The following SGCG variants were observed in gnomAD, a reference collection of about 807,000 sequenced individuals.
SGCG encodes gamma-sarcoglycan.
A neutral mutation model predicts 29.3 loss-of-function variants in SGCG; 26 were observed. The observed-to-expected ratio is 0.89, with a 90% CI of 0.65 to 1.23. The LOEUF is 1.23. Ranked by LOEUF, SGCG falls within the 50% of genes most tolerant of loss-of-function variation. SGCG has a pLI of 0.00. For synonymous variants in SGCG, 145 were observed against 129.7 expected (o/e 1.12, Z -0.80); for missense variants, 353 against 356.0 (o/e 0.99, Z 0.07).
intron 1 of SGCG, among the ~76,000 whole-genome samples, chr13:23,185,208 G>C (rs1176279643): frequency 6.6e-6 from 1 of 152,160 alleles, no homozygotes; most frequent in Non-Finnish European, 1.5e-5. Context: ...ATGGTATTCT[G>C]AGAATTCCAT....
intron 2 of SGCG, chr13:23,217,523 C>A (rs1878477940): frequency 6.6e-6 from 1 of 152,050 alleles, no homozygotes; most frequent in Non-Finnish European, 1.5e-5. Flanking sequence ...ATCTGTACTG[C>A]TAAATGAACA....
chr13:23,224,680 A>ACACACACACACCC (rs1433903594), intron 2 of SGCG, among the ~76,000 whole-genome samples: 3 of 150,552 alleles, frequency 2.0e-5, no homozygotes, highest in Non-Finnish European at 4.4e-5. Context: ...ACACACACAC[A>ACACACACACACCC]CCCCACACCA....
At chr13:23,290,414 G>A (rs1390724568) in intron 5 of SGCG, among the ~76,000 whole-genome samples, 2 of 152,120 alleles carry the variant, frequency 1.3e-5, no homozygotes, top group East Asian at 3.9e-4. Flanking sequence ...CAATGCGGTG[G>A]GAGGGATATT....
chr13:23,304,999 A>ACAGGCGTGCACGTGCT (rs1381664793), intron 6 of SGCG, among the ~76,000 whole-genome samples: 23 of 856 alleles, frequency 0.027, no homozygotes, highest in African/African-American at 0.061. Flanking sequence ...GCACGTGCTC[A>ACAGGCGTGCACGTGCT]CACACACACA....
chr13:23,206,237 T>C (rs1877976334), intron 2 of SGCG, among the ~76,000 whole-genome samples: 1 of 152,216 alleles, frequency 6.6e-6, no homozygotes, highest in Non-Finnish European at 1.5e-5. Flanking sequence ...TCATTAACAA[T>C]AGGTACAATG....
intron 4 of SGCG, among the ~76,000 whole-genome samples, chr13:23,251,761 A>T (rs1879978606): frequency 6.6e-6 from 1 of 152,172 alleles, no homozygotes; most frequent in Non-Finnish European, 1.5e-5. Context: ...AGAATAACGA[A>T]GATATATATA....
chr13:23,174,725 G>C, the SGCG span, among the ~76,000 whole-genome samples: 3 of 152,142 alleles, frequency 2.0e-5, no homozygotes, highest in South Asian at 6.2e-4. Context: ...ATTTGGAACT[G>C]GTAATAGAAA....
chr13:23,262,008 A>G (rs1880456164), intron 4 of SGCG, among the ~76,000 whole-genome samples: 1 of 152,078 alleles, frequency 6.6e-6, no homozygotes, highest in African/African-American at 2.4e-5. Context: ...GCTGAAAGGA[A>G]TTCTAAATGT....
intron 3 of SGCG, among the ~76,000 whole-genome samples, chr13:23,249,223 C>A (rs1270597015): frequency 6.6e-6 from 1 of 152,126 alleles, no homozygotes; most frequent in African/African-American, 2.4e-5. Flanking sequence ...ACCCTCCCAT[C>A]CTGGAGACAT....
rs1234933605 is a variant in SGCG at position 23,307,979 on chromosome 13, AAT to A, written c.578+12493_578+12494del. The stretch of plus-strand genomic sequence containing the variant: ...AAAAACCCACATATGGGTCTCTATA[AAT>A]GTCAACATTACACCTATGTGTAATG... On this transcript the variant is annotated intron_variant, in intron 6 of 7. Transcript: ENST00000218867. Among the ~76,000 whole-genome samples the A allele has an allele frequency of 9.2e-4, 140 of 152,318 alleles. 3 individuals are homozygous for A. In the South Asian group the frequency reaches 0.027, roughly 29 times the overall value.
chr13:23,205,458 G>A (rs888359233), intron 2 of SGCG, among the ~76,000 whole-genome samples: 12 of 152,166 alleles, frequency 7.9e-5, no homozygotes, highest in Non-Finnish European at 1.8e-4. Flanking sequence ...GAGGCCCATG[G>A]AAGGGCCTGG....
intron 3 of SGCG, 68 bp from the exon 4 acceptor site, chr13:23,250,562 A>G: frequency 1.3e-6 from 1 of 784,560 alleles, no homozygotes; most frequent in South Asian, 1.5e-5. Context: ...CTAAATTTAC[A>G]CAGAATTATA....
chr13:23,170,059 G>C, the SGCG span: 1 of 152,142 alleles, frequency 6.6e-6, no homozygotes, highest in African/African-American at 2.4e-5. Context: ...CTTTCTAGTG[G>C]CAGAAATAAA....
chr13:23,176,748 A>T (rs1346739044), upstream of SGCG, among the ~76,000 whole-genome samples: 1 of 152,142 alleles, frequency 6.6e-6, no homozygotes, highest in Non-Finnish European at 1.5e-5. Flanking sequence ...GTCGATAGGT[A>T]AGGACTTATT....
At chr13:23,212,452 A>G (rs1413471779) in intron 2 of SGCG, among the ~76,000 whole-genome samples, 1 of 152,206 alleles carries the variant, frequency 6.6e-6, no homozygotes, top group Admixed American at 6.5e-5. Context: ...GCCTGGTAGC[A>G]TAAAACTTAT....
Position 23,310,208 on chromosome 13 carries a change from T to C in SGCG, c.579-10429T>C, listed in dbSNP as rs956616539. 3.5e-5 allele frequency among the ~76,000 whole-genome samples: 5 copies of C among 144,336 alleles called. No individual in the cohort carries two copies. In the Admixed American group the frequency reaches 3.6e-4, roughly 10 times the overall value. The allele number at this position is 144,336 out of a possible 152,430, so 94.7% of individuals were successfully genotyped here. On this transcript the variant is annotated intron_variant, in intron 6 of 7. Coordinates refer to ENST00000218867, the MANE Select transcript of SGCG (RefSeq NM_000231.3). The stretch of plus-strand genomic sequence containing the variant: ...TTCACGCCATTCTCCTGCCTCAGCC[T>C]CCCAAGTAGCTGGGACTACAGGCGC...
chr13:23,161,093 A>G, the SGCG span, among the ~76,000 whole-genome samples: 1 of 152,172 alleles, frequency 6.6e-6, no homozygotes. Context: ...GTCTGCACCA[A>G]GTGCAAAGTT....
At chr13:23,251,659 G>A (rs568028509) in intron 4 of SGCG, among the ~76,000 whole-genome samples, 2 of 152,196 alleles carry the variant, frequency 1.3e-5, no homozygotes, top group African/African-American at 4.8e-5. Flanking sequence ...TGTAGTCGCA[G>A]CTACTGGGGA....
chr13:23,213,590 C>T (rs1593176388), intron 2 of SGCG, among the ~76,000 whole-genome samples: 1 of 152,200 alleles, frequency 6.6e-6, no homozygotes, highest in East Asian at 1.9e-4. Flanking sequence ...ACCAAAATGA[C>T]TTCTACTAAA....
Sources: gnomAD v4.1 joint callset for allele counts (sites outside exome capture counted in the v4.1 genomes callset) on GRCh38, gnomAD v4.1.1 for gene constraint, MANE v1.5 for transcripts, NCBI Gene and HGNC (gene_info 2026-07-23, HGNC 2026-07-21) for gene names.